The following MYLK variants were observed in gnomAD, a reference collection of about 807,000 sequenced individuals.
The protein encoded by MYLK is myosin light chain kinase, smooth muscle.
Under a neutral mutation model 203.4 loss-of-function variants are expected in MYLK, and 106 were observed. The observed-to-expected ratio is 0.52, with a 90% CI of 0.45 to 0.61. The LOEUF (loss-of-function observed/expected upper bound fraction) is 0.61, where lower values mean the gene tolerates loss of function less well. Ranked by LOEUF, MYLK falls within the 20% of genes least tolerant of loss-of-function variation. The pLI is 0.00. For missense variants in MYLK, 2,072 were observed against 2,442.3 expected (o/e 0.85, Z 3.20); for synonymous variants, 867 against 959.5 (o/e 0.90, Z 1.78).
intron 20 of MYLK, among the ~76,000 whole-genome samples, chr3:123,676,322 CCT>C (rs1175976182): frequency 6.6e-6 from 1 of 152,186 alleles, no homozygotes; most frequent in Non-Finnish European, 1.5e-5. Flanking sequence ...AATAGCCCAG[CCT>C]CTCTCCCAGG....
intron 3 of MYLK, among the ~76,000 whole-genome samples, chr3:123,806,582 G>C (rs1560241920): frequency 6.6e-6 from 1 of 152,182 alleles, no homozygotes; most frequent in Non-Finnish European, 1.5e-5. Context: ...TGAACATTTA[G>C]CTACTTATTT....
chr3:123,851,156 TAC>T (rs1394693778), intron 2 of MYLK, among the ~76,000 whole-genome samples: 1 of 152,220 alleles, frequency 6.6e-6, no homozygotes, highest in Non-Finnish European at 1.5e-5. Flanking sequence ...CGCCTTGTAG[TAC>T]AGTTTGAAGT....
chr3:123,686,428 G>A (rs1467638903), intron 19 of MYLK, among the ~76,000 whole-genome samples: 1 of 151,586 alleles, frequency 6.6e-6, no homozygotes, highest in Admixed American at 6.6e-5. Context: ...ACCCCACGCA[G>A]GGGGCATGAG....
chr3:123,644,578 T>G (rs1392383996), intron 27 of MYLK: 1 of 152,370 alleles, frequency 6.6e-6, no homozygotes, highest in East Asian at 1.9e-4. Context: ...CCCCAGGCCC[T>G]GTGACTCCTG....
At chr3:123,756,669 A>G (rs1291673520) in intron 4 of MYLK, among the ~76,000 whole-genome samples, 2 of 152,182 alleles carry the variant, frequency 1.3e-5, no homozygotes, top group South Asian at 2.1e-4. Context: ...CTAATCCTCC[A>G]TATGAGAAAA....
chr3:123,639,432 C>T (rs2058756156), intron 28 of MYLK, among the ~76,000 whole-genome samples: 1 of 152,202 alleles, frequency 6.6e-6, no homozygotes, highest in South Asian at 2.1e-4. Context: ...CTTTCTACTA[C>T]CTGCAGGGTG....
intron 4 of MYLK, among the ~76,000 whole-genome samples, chr3:123,783,015 T>G (rs1268435087): frequency 6.6e-6 from 1 of 152,254 alleles, no homozygotes; most frequent in African/African-American, 2.4e-5. Context: ...TTTTCATTTA[T>G]GGATATAGCT....
In MYLK at chr3:123,871,228, C is replaced by G. The variant is rs189042118; in HGVS notation, c.-127+5331G>C. Among the ~76,000 whole-genome samples the G allele has an allele frequency of 1.2e-3, 181 of 152,226 alleles. 1 individual carries two copies. The highest frequency in any genetic ancestry group is 6.8e-3 in the Middle Eastern group (2 of 294). On this transcript the variant is annotated intron_variant, in intron 2 of 33. Coordinates refer to ENST00000360304, the MANE Select transcript of MYLK (RefSeq NM_053025.4). ...AGAAAAGGAGAACCCTAGAAATTAT[C>G]AGAAAAGAAGAAAGGTCTCAAATCA... is the stretch of plus-strand genomic sequence containing the variant.
intron 2 of MYLK, among the ~76,000 whole-genome samples, chr3:123,834,209 C>T (rs777507563): frequency 7.2e-5 from 11 of 152,030 alleles, no homozygotes; most frequent in Non-Finnish European, 1.5e-4. Flanking sequence ...CCATGTCCTG[C>T]TAATTTTTGT....
chr3:123,709,087 A>G (rs886066231), intron 14 of MYLK, 192 bp from the exon 15 acceptor site: 32 of 534,250 alleles, frequency 6.0e-5, no homozygotes, highest in East Asian at 3.0e-5. Flanking sequence ...TAAAATTTGA[A>G]TAGTGCAACT....
chr3:123,805,381 G>A (rs1420385620), intron 3 of MYLK, among the ~76,000 whole-genome samples: 1 of 152,206 alleles, frequency 6.6e-6, no homozygotes, highest in Non-Finnish European at 1.5e-5. Context: ...ACAGGAGAAG[G>A]CAGGTGCACA....
chr3:123,704,126 C>A (rs2061358008), intron 16 of MYLK, among the ~76,000 whole-genome samples: 1 of 152,244 alleles, frequency 6.6e-6, no homozygotes, highest in Non-Finnish European at 1.5e-5. Context: ...TGGCCCCCAG[C>A]AGTCTAAGGG....
chr3:123,746,152 G>A (rs190548552), intron 5 of MYLK, among the ~76,000 whole-genome samples: 15 of 152,166 alleles, frequency 9.9e-5, no homozygotes, highest in Admixed American at 2.0e-4. Context: ...CACCATGCCC[G>A]GCTTTATTTA....
At position 123,733,052 on chromosome 3, in the gene MYLK, C is replaced by A. The variant is rs746226982; in HGVS notation, c.1360G>T (p.Val454Leu). The change falls in exon 11 of 34, where the codon GTG (valine) becomes TTG (leucine). Residue 454 changes from valine to leucine, a missense_variant. This residue lies in a region of MYLK where 683 missense variants were observed against 643.8 expected (regional missense o/e 1.06). Coordinates refer to ENST00000360304, the MANE Select transcript of MYLK (RefSeq NM_053025.4). ...TCAATGCTGCCTTCCTGTCTCCTCA[C>A]GGGGGTGCCTTCCAGGAACCAGGCC... ...EVAWFLEGTP[V>L]RRQEGSIEVY... 2.5e-6 allele frequency: 4 copies of A among 1,614,090 alleles called. No homozygotes were observed. The highest frequency in any genetic ancestry group is 1.1e-5 in the South Asian group (1 of 91,062).
intron 27 of MYLK, among the ~76,000 whole-genome samples, chr3:123,643,246 C>G (rs1165713141): frequency 2.0e-5 from 3 of 152,210 alleles, no homozygotes; most frequent in African/African-American, 7.2e-5. Context: ...GTGGCAGGCT[C>G]ATCTCTAGAC....
At chr3:123,759,815 G>A (rs937894719) in intron 4 of MYLK, among the ~76,000 whole-genome samples, 8 of 152,140 alleles carry the variant, frequency 5.3e-5, no homozygotes, top group African/African-American at 9.7e-5. Flanking sequence ...CTATTTTCTT[G>A]CCTCCTCCCA....
intron 27 of MYLK, among the ~76,000 whole-genome samples, chr3:123,643,843 C>T (rs1209237278): frequency 2.6e-5 from 4 of 152,242 alleles, no homozygotes; most frequent in Admixed American, 2.0e-4. Context: ...CCAGCTGGAA[C>T]GTTCTTTGAT....
chr3:123,760,660 T>G (rs1316283281), intron 4 of MYLK, among the ~76,000 whole-genome samples: 1 of 152,170 alleles, frequency 6.6e-6, no homozygotes, highest in Non-Finnish European at 1.5e-5. Flanking sequence ...CCCTAAGAAA[T>G]ATCAGAACAT....
At chr3:123,810,385 C>T (rs1460154827) in intron 3 of MYLK, among the ~76,000 whole-genome samples, 2 of 152,186 alleles carry the variant, frequency 1.3e-5, no homozygotes, top group Non-Finnish European at 2.9e-5. Context: ...CCCTGTGAGC[C>T]ATGGGTGAGC....
Sources: allele counts gnomAD v4.1 joint callset (sites outside exome capture counted in the v4.1 genomes callset), GRCh38; gene constraint gnomAD v4.1.1; regional missense constraint gnomAD v4.1.1; transcripts MANE v1.5; gene names NCBI Gene and HGNC (gene_info 2026-07-23, HGNC 2026-07-21).